TENM1: variants seen among roughly 807,000 people sequenced by gnomAD.
TENM1 encodes teneurin-1.
TENM1 carries 35 observed loss-of-function variants against 174.8 expected under a neutral mutation model. The ratio of observed to expected loss-of-function variants is 0.20; its 90% confidence interval spans 0.15 to 0.27. The LOEUF is 0.27. Ranked by LOEUF, TENM1 falls within the 10% of genes least tolerant of loss-of-function variation. The pLI, the probability that TENM1 is intolerant of heterozygous loss-of-function variation, is 1.00. For missense variants in TENM1, 1,633 were observed against 2,130.1 expected (o/e 0.77, Z 4.59); for synonymous variants, 781 against 798.7 (o/e 0.98, Z 0.37).
At chrX:125,134,045 G>A in the TENM1 span, among the ~76,000 whole-genome samples, 1 of 111,371 alleles carries the variant, frequency 9.0e-6, no homozygotes, top group African/African-American at 3.3e-5. Context: ...GAAAGGGGGA[G>A]TTCTAAGAAA....
At chrX:124,545,948 A>G (rs1050858505) in intron 15 of TENM1, among the ~76,000 whole-genome samples, 3 of 111,918 alleles carry the variant, frequency 2.7e-5, no homozygotes, top group Non-Finnish European at 5.6e-5. Flanking sequence ...GGGAGTTGAG[A>G]GTTTGAAATT....
At chrX:124,788,273 CCTATAA>C (rs2055089622) in intron 3 of TENM1, among the ~76,000 whole-genome samples, 1 of 111,152 alleles carries the variant, frequency 9.0e-6, no homozygotes, top group Non-Finnish European at 1.9e-5. Flanking sequence ...CTGGTCCCCT[CCTATAA>C]CACACGGAAA....
chrX:125,034,853 T>C, the TENM1 span, among the ~76,000 whole-genome samples: 2 of 111,670 alleles, frequency 1.8e-5, no homozygotes, highest in Non-Finnish European at 3.8e-5. Flanking sequence ...ATCTAACCTT[T>C]ATGACATCAC....
At chrX:124,529,932 T>C in exon 16 of TENM1, 1 of 1,210,422 alleles carries the variant, frequency 8.3e-7, no homozygotes, top group Non-Finnish European at 1.1e-6. Context: ...TCACTCCCAC[T>C]AGAGGAGTTC....
chrX:124,662,616 T>A (rs1354589163), intron 6 of TENM1, among the ~76,000 whole-genome samples: 1 of 110,453 alleles, frequency 9.1e-6, no homozygotes, highest in African/African-American at 3.3e-5. Flanking sequence ...CATTATCCAC[T>A]TACCACCTAG....
At chrX:124,980,603 AATTTAATAATGAAAATTATGT>A in the TENM1 span, among the ~76,000 whole-genome samples, 2 of 111,776 alleles carry the variant, frequency 1.8e-5, no homozygotes, top group Admixed American at 1.9e-4. Flanking sequence ...AAATATGATA[AATTTAATAATGAAAATTATGT>A]ATTTAATAAT....
intron 11 of TENM1, among the ~76,000 whole-genome samples, chrX:124,591,321 G>A (rs1685463137): frequency 9.0e-6 from 1 of 111,716 alleles, no homozygotes; most frequent in Admixed American, 9.5e-5. Context: ...TTGCTTTATA[G>A]GGTATGTGGG....
intron 3 of TENM1, among the ~76,000 whole-genome samples, chrX:124,873,755 G>T (rs763750674): frequency 5.9e-4 from 65 of 111,080 alleles, no homozygotes; most frequent in African/African-American, 2.1e-3. Context: ...GTTTGTGCTA[G>T]ATTTATTTTA....
chrX:125,124,316 T>A, the TENM1 span, among the ~76,000 whole-genome samples: 1 of 112,259 alleles, frequency 8.9e-6, no homozygotes, highest in Non-Finnish European at 1.9e-5. Context: ...TGTCACAAGA[T>A]ATGAGAATTT....
chrX:125,052,431 C>T, the TENM1 span, among the ~76,000 whole-genome samples: 1 of 111,579 alleles, frequency 9.0e-6, no homozygotes, highest in Non-Finnish European at 1.9e-5. Flanking sequence ...TAATTGGATG[C>T]ACTGGAGAAA....
the TENM1 span, among the ~76,000 whole-genome samples, chrX:125,048,871 T>C: frequency 9.0e-6 from 1 of 111,342 alleles, no homozygotes; most frequent in East Asian, 2.8e-4. Context: ...TCTTGGAGTT[T>C]TACCCTCTGG....
At chrX:125,021,514 C>G in the TENM1 span, among the ~76,000 whole-genome samples, 1 of 111,557 alleles carries the variant, frequency 9.0e-6, no homozygotes, top group African/African-American at 3.2e-5. Context: ...ACTTATATAG[C>G]ACTGTTTTTC....
intron 23 of TENM1, among the ~76,000 whole-genome samples, chrX:124,431,703 A>T (rs923223552): frequency 8.9e-6 from 1 of 112,094 alleles, no homozygotes; most frequent in Non-Finnish European, 1.9e-5. Flanking sequence ...GATGGCCTTT[A>T]TTGATCTTGC....
At chrX:124,506,472 T>C (rs748984004) in intron 18 of TENM1, among the ~76,000 whole-genome samples, 3 of 110,203 alleles carry the variant, frequency 2.7e-5, no homozygotes, top group East Asian at 5.7e-4. Flanking sequence ...TTACTTTTTT[T>C]CCCCAGCCAC....
chrX:124,985,827 C>G, the TENM1 span, among the ~76,000 whole-genome samples: 1 of 112,000 alleles, frequency 8.9e-6, no homozygotes, highest in Admixed American at 9.5e-5. Context: ...ATGAGGCTGA[C>G]AAGTCAGTAG....
At chrX:124,995,125 C>G in the TENM1 span, among the ~76,000 whole-genome samples, 1 of 110,723 alleles carries the variant, frequency 9.0e-6, no homozygotes, top group Non-Finnish European at 1.9e-5. Context: ...AACACTGTCC[C>G]TCCTCCTTTG....
At chrX:124,966,972 T>C (rs144165341), upstream of TENM1, among the ~76,000 whole-genome samples, 21 of 111,607 alleles carry the variant, frequency 1.9e-4, 1 homozygote, top group East Asian at 5.4e-3. Flanking sequence ...GCATAAGACA[T>C]AGTCTCGGCC....
At chrX:124,437,104 A>ATTTTTTTTTT (rs35632932) in intron 23 of TENM1, among the ~76,000 whole-genome samples, 1 of 34,908 alleles carries the variant, frequency 2.9e-5, no homozygotes, top group African/African-American at 1.2e-4. Context: ...TGCTCGGCTA[A>ATTTTTTTTTT]TTTTTTTTTT....
the TENM1 span, among the ~76,000 whole-genome samples, chrX:125,145,641 A>C: frequency 2.1e-5 from 1 of 47,051 alleles, no homozygotes. Flanking sequence ...GCTAACATCC[A>C]ATGACTTTTT....
Sources: gnomAD v4.1 joint callset for allele counts (sites outside exome capture counted in the v4.1 genomes callset) on GRCh38, gnomAD v4.1.1 for gene constraint, MANE v1.5 for transcripts, NCBI Gene and HGNC (gene_info 2026-07-23, HGNC 2026-07-21) for gene names.